The following SLC25A21 variants were observed in gnomAD, a reference collection of about 807,000 sequenced individuals.
SLC25A21 encodes solute carrier family 25 member 21, also known as mitochondrial 2-oxodicarboxylate carrier.
SLC25A21 carries 47 observed loss-of-function variants against 43.8 expected under a neutral mutation model. The observed-to-expected ratio is 1.07, with a 90% confidence interval of 0.85 to 1.37. SLC25A21 has a LOEUF of 1.37. SLC25A21 is among the 40% of genes most tolerant of loss of function. SLC25A21 has a pLI of 0.00. For missense variants in SLC25A21, 352 were observed against 350.2 expected (o/e 1.00, Z -0.04); for synonymous variants, 131 against 121.3 (o/e 1.08, Z -0.52).
intron 3 of SLC25A21, among the ~76,000 whole-genome samples, chr14:36,788,135 G>T (rs1178820618): frequency 6.6e-6 from 1 of 152,116 alleles, no homozygotes; most frequent in Non-Finnish European, 1.5e-5. Flanking sequence ...CACATTTACA[G>T]CATTGCTTTA....
At chr14:36,954,707 T>C (rs940191229) in intron 1 of SLC25A21, among the ~76,000 whole-genome samples, 9 of 152,168 alleles carry the variant, frequency 5.9e-5, no homozygotes, top group Non-Finnish European at 1.3e-4. Context: ...ATGATAAATA[T>C]GTGGGCTAAT....
intron 1 of SLC25A21, among the ~76,000 whole-genome samples, chr14:37,121,004 G>T (rs565565098): frequency 2.3e-4 from 35 of 152,192 alleles, no homozygotes; most frequent in African/African-American, 8.2e-4. Flanking sequence ...TAATAAATGG[G>T]CTGAGTAAAC....
At chr14:36,918,113 G>T (rs1891880695) in intron 1 of SLC25A21, among the ~76,000 whole-genome samples, 1 of 152,062 alleles carries the variant, frequency 6.6e-6, no homozygotes, top group African/African-American at 2.4e-5. Context: ...TCTCTAAAAA[G>T]GAATATAAAA....
At chr14:36,769,704 G>C (rs1044192075) in intron 3 of SLC25A21, among the ~76,000 whole-genome samples, 46 of 152,172 alleles carry the variant, frequency 3.0e-4, no homozygotes, top group African/African-American at 1.1e-3. Flanking sequence ...AAAATATGTA[G>C]ACTCATATTT....
intron 1 of SLC25A21, among the ~76,000 whole-genome samples, chr14:36,984,379 T>G (rs1222745635): frequency 6.6e-6 from 1 of 152,198 alleles, no homozygotes; most frequent in Non-Finnish European, 1.5e-5. Context: ...GGGAAACTGT[T>G]ACATTTCATT....
intron 1 of SLC25A21, among the ~76,000 whole-genome samples, chr14:37,103,405 A>G (rs1298665186): frequency 2.0e-5 from 3 of 152,198 alleles, no homozygotes; most frequent in Non-Finnish European, 4.4e-5. Flanking sequence ...ATTCCAAAGC[A>G]TGGTCTGGTT....
At chr14:37,045,876 T>C (rs1451908391) in intron 1 of SLC25A21, among the ~76,000 whole-genome samples, 1 of 152,230 alleles carries the variant, frequency 6.6e-6, no homozygotes, top group African/African-American at 2.4e-5. Flanking sequence ...TGTTGTCTCA[T>C]AGTACTTGGG....
At chr14:37,017,867 T>C (rs1204007019) in intron 1 of SLC25A21, among the ~76,000 whole-genome samples, 2 of 152,046 alleles carry the variant, frequency 1.3e-5, no homozygotes, top group African/African-American at 2.4e-5. Context: ...GATGGGACAA[T>C]ATAAAATTGA....
chr14:37,157,283 C>T (rs942686857), intron 1 of SLC25A21, among the ~76,000 whole-genome samples: 3 of 152,002 alleles, frequency 2.0e-5, no homozygotes, highest in Non-Finnish European at 4.4e-5. Flanking sequence ...ATTGCTTGAA[C>T]CCAGGAAAAC....
chr14:36,736,539 C>T (rs374495656), intron 3 of SLC25A21, among the ~76,000 whole-genome samples: 4 of 151,896 alleles, frequency 2.6e-5, no homozygotes, highest in Non-Finnish European at 5.9e-5. Context: ...AACAGAAGTT[C>T]TATATATATA....
At chr14:37,016,760 C>T (rs1960866374) in intron 1 of SLC25A21, among the ~76,000 whole-genome samples, 1 of 152,058 alleles carries the variant, frequency 6.6e-6, no homozygotes, top group South Asian at 2.1e-4. Context: ...CTGTAGCCAC[C>T]TTCATCAACG....
chr14:36,694,028 C>T (rs1882906719), intron 7 of SLC25A21, among the ~76,000 whole-genome samples: 2 of 152,276 alleles, frequency 1.3e-5, no homozygotes, highest in South Asian at 4.1e-4. Context: ...TCATCATTTA[C>T]ATTAGGTATT....
intron 3 of SLC25A21, among the ~76,000 whole-genome samples, chr14:36,750,739 C>G (rs999630006): frequency 6.6e-6 from 1 of 152,114 alleles, no homozygotes; most frequent in Non-Finnish European, 1.5e-5. Flanking sequence ...TACTCTATCA[C>G]GCTAATGAAG....
intron 2 of SLC25A21, among the ~76,000 whole-genome samples, chr14:36,815,798 C>T (rs956233237): frequency 6.6e-6 from 1 of 152,076 alleles, no homozygotes; most frequent in Non-Finnish European, 1.5e-5. Flanking sequence ...CTTTACCCTG[C>T]CTATTCCTTG....
chr14:37,060,379 C>CTAATAATAATAATAA (rs71124787), intron 1 of SLC25A21, among the ~76,000 whole-genome samples: 2 of 138,108 alleles, frequency 1.4e-5, no homozygotes, highest in South Asian at 2.4e-4. Context: ...ACTCTACTCT[C>CTAATAATAATAATAA]TAATAATAAT....
intron 1 of SLC25A21, among the ~76,000 whole-genome samples, chr14:36,899,383 A>G (rs1891338964): frequency 6.6e-6 from 1 of 152,248 alleles, no homozygotes; most frequent in African/African-American, 2.4e-5. Context: ...AAATAACCAA[A>G]TCTGCATACA....
intron 1 of SLC25A21, among the ~76,000 whole-genome samples, chr14:36,970,484 A>G (rs1259172496): frequency 1.3e-5 from 2 of 152,238 alleles, no homozygotes; most frequent in Non-Finnish European, 2.9e-5. Context: ...AATTACTAGT[A>G]TAATAAATCT....
At chr14:37,040,961 G>A (rs1017483001) in intron 1 of SLC25A21, among the ~76,000 whole-genome samples, 6 of 152,052 alleles carry the variant, frequency 3.9e-5, no homozygotes, top group African/African-American at 1.4e-4. Flanking sequence ...GATGTTGTAT[G>A]AGACATTCAG....
chr14:37,078,505 T>C (rs968642937), intron 1 of SLC25A21, among the ~76,000 whole-genome samples: 1 of 152,122 alleles, frequency 6.6e-6, no homozygotes, highest in African/African-American at 2.4e-5. Flanking sequence ...TTTGTGGACA[T>C]GGATTTGTCC....
Sources: gnomAD v4.1 joint callset for allele counts (sites outside exome capture counted in the v4.1 genomes callset) on GRCh38, gnomAD v4.1.1 for gene constraint, MANE v1.5 for transcripts, NCBI Gene and HGNC (gene_info 2026-07-23, HGNC 2026-07-21) for gene names.